Variants in SUGCT observed in about 807,000 individuals in gnomAD.
SUGCT encodes the protein succinyl-CoA:glutarate CoA-transferase.
Under a neutral mutation model 55.0 loss-of-function variants are expected in SUGCT, and 41 were observed. That is an observed-to-expected ratio of 0.74 (90% CI 0.58 to 0.97). SUGCT has a LOEUF of 0.97. SUGCT is among the 50% of genes least tolerant of loss of function. The probability of loss-of-function intolerance (pLI) is 0.00; values close to 1 mark genes in which losing one functional copy is unlikely to be tolerated. For synonymous variants in SUGCT, 187 were observed against 200.4 expected (o/e 0.93, Z 0.56); for missense variants, 568 against 547.8 (o/e 1.04, Z -0.37).
At chr7:40,712,311 C>T (rs78714799) in intron 12 of SUGCT, among the ~76,000 whole-genome samples, 2,314 of 152,298 alleles carry the variant, frequency 0.015, 19 homozygotes, top group Admixed American at 0.026. Flanking sequence ...CTCCTCTTAA[C>T]CACAAGTAAT....
At chr7:40,169,993 GTC>G (rs59541244) in intron 1 of SUGCT, among the ~76,000 whole-genome samples, 2,751 of 152,266 alleles carry the variant, frequency 0.018, 76 homozygotes, top group African/African-American at 0.063. Flanking sequence ...CAGAAAGGCA[GTC>G]TCTCTTCTTT....
the SUGCT span, among the ~76,000 whole-genome samples, chr7:40,895,864 A>T: frequency 6.6e-6 from 1 of 152,166 alleles, no homozygotes. Flanking sequence ...CATAATAAAA[A>T]CCACATATGA....
At chr7:40,720,555 C>T (rs1396674930) in intron 12 of SUGCT, among the ~76,000 whole-genome samples, 7 of 152,138 alleles carry the variant, frequency 4.6e-5, no homozygotes, top group Admixed American at 4.6e-4. Context: ...TGGGGCCCTT[C>T]AGTGGACATG....
chr7:40,878,337 G>A, the SUGCT span, among the ~76,000 whole-genome samples: 2 of 152,150 alleles, frequency 1.3e-5, no homozygotes, highest in Admixed American at 6.6e-5. Flanking sequence ...CTATTGAGCT[G>A]CAGACCTTCC....
rs150109464 is a variant in SUGCT, at chr7:40,139,463, G to T, written c.100+4343G>T. Reference sequence around the variant, plus strand: ...TCCACTCACCTCAGCCTTCCAAAGTGCTGGGATTACAGGCGTGAGCCACTG... The same window carrying T: ...TCCACTCACCTCAGCCTTCCAAAGTTCTGGGATTACAGGCGTGAGCCACTG... On this transcript the variant is annotated intron_variant, in intron 1 of 13. Transcript: ENST00000335693. Among the ~76,000 whole-genome samples the T allele has an allele frequency of 4.4e-3, 665 of 152,306 alleles. 5 individuals are homozygous for T. Among genetic ancestry groups the T allele is most frequent in the African/African-American group, 0.015 (615 of 41,562 alleles).
intron 12 of SUGCT, among the ~76,000 whole-genome samples, chr7:40,543,352 AC>A (rs1189876121): frequency 1.3e-5 from 2 of 152,250 alleles, no homozygotes; most frequent in African/African-American, 4.8e-5. Context: ...AAAAATGATA[AC>A]AAGTACAAAA....
At chr7:40,249,374 A>G (rs907474228) in intron 7 of SUGCT, among the ~76,000 whole-genome samples, 2 of 137,628 alleles carry the variant, frequency 1.5e-5, no homozygotes, top group Non-Finnish European at 3.1e-5. Flanking sequence ...TATATTATAT[A>G]CAAATATTAC....
chr7:40,189,081 T>C (rs1785719387), intron 4 of SUGCT, among the ~76,000 whole-genome samples: 2 of 152,198 alleles, frequency 1.3e-5, no homozygotes, highest in Non-Finnish European at 2.9e-5. Flanking sequence ...CGGTGGCTCA[T>C]GCCTTTAATC....
At chr7:40,414,738 C>A (rs970685152) in intron 9 of SUGCT, among the ~76,000 whole-genome samples, 2 of 151,812 alleles carry the variant, frequency 1.3e-5, no homozygotes, top group Middle Eastern at 3.2e-3. Context: ...GAAACCTCAT[C>A]TCTACCAAAA....
At chr7:40,435,602 A>G (rs1657755400) in intron 9 of SUGCT, among the ~76,000 whole-genome samples, 1 of 152,130 alleles carries the variant, frequency 6.6e-6, no homozygotes, top group Non-Finnish European at 1.5e-5. Flanking sequence ...CTTATCTGAT[A>G]TTCAGCCACC....
intron 12 of SUGCT, among the ~76,000 whole-genome samples, chr7:40,744,000 C>T (rs975011011): frequency 6.6e-6 from 1 of 152,112 alleles, no homozygotes; most frequent in Non-Finnish European, 1.5e-5. Flanking sequence ...TGACTCACTG[C>T]AACCTCCGTC....
At chr7:40,532,851 C>T (rs2151598637) in intron 12 of SUGCT, among the ~76,000 whole-genome samples, 1 of 152,140 alleles carries the variant, frequency 6.6e-6, no homozygotes, top group Admixed American at 6.5e-5. Context: ...ATTATGAATA[C>T]AATATTTTAA....
At chr7:40,816,498 A>G (rs1791677741) in intron 13 of SUGCT, among the ~76,000 whole-genome samples, 1 of 152,128 alleles carries the variant, frequency 6.6e-6, no homozygotes, top group Non-Finnish European at 1.5e-5. Context: ...TGCCTCTCTC[A>G]TGTACTGGGG....
At chr7:40,330,367 G>C (rs754360393) in intron 9 of SUGCT, among the ~76,000 whole-genome samples, 1 of 152,126 alleles carries the variant, frequency 6.6e-6, no homozygotes, top group Non-Finnish European at 1.5e-5. Flanking sequence ...TGAGGGAGAA[G>C]ATATACATTT....
intron 1 of SUGCT, among the ~76,000 whole-genome samples, chr7:40,142,514 A>G (rs1372306590): frequency 6.6e-6 from 1 of 152,206 alleles, no homozygotes. Context: ...GCACCAACCC[A>G]TGGATGCATG....
At chr7:40,716,154 T>C (rs1043562847) in intron 12 of SUGCT, among the ~76,000 whole-genome samples, 1 of 152,152 alleles carries the variant, frequency 6.6e-6, no homozygotes, top group Non-Finnish European at 1.5e-5. Flanking sequence ...ACATATTGCT[T>C]GACCCTGGTG....
chr7:40,913,625 A>G, the SUGCT span, among the ~76,000 whole-genome samples: 1 of 152,312 alleles, frequency 6.6e-6, no homozygotes, highest in Non-Finnish European at 1.5e-5. Flanking sequence ...CAACACAAGC[A>G]TTTGTTCTCC....
chr7:40,308,799 C>T (rs551069035), intron 8 of SUGCT, among the ~76,000 whole-genome samples: 1 of 152,294 alleles, frequency 6.6e-6, no homozygotes, highest in South Asian at 2.1e-4. Flanking sequence ...CACTTGAGGT[C>T]AGGAGTTCGA....
In SUGCT at chr7:40,237,716, C is replaced by T. The variant is rs1275983440; in HGVS notation, c.566C>T (p.Thr189Ile). The T allele has an allele frequency of 6.2e-7, 1 of 1,613,374 alleles. No individual in the cohort carries two copies. The highest frequency in any genetic ancestry group is 1.3e-5 in the African/African-American group (1 of 74,900). The change falls in exon 7 of 14, where the codon ACA (threonine) becomes ATA (isoleucine). Residue 189 changes from threonine (T) to isoleucine (I), a missense_variant. Thr to Ile is a moderately conservative substitution (Grantham distance 89). Transcript: ENST00000335693. ...GCTGTTTCTGGTCTGATGCACATCA[C>T]AGGGCCTGAGGTAGGTATCCTTCCT... ...ASAVSGLMHI[T>I]GPENGDPVRP...
Sources: allele counts gnomAD v4.1 joint callset (sites outside exome capture counted in the v4.1 genomes callset), GRCh38; gene constraint gnomAD v4.1.1; transcripts MANE v1.5; gene names NCBI Gene and HGNC (gene_info 2026-07-23, HGNC 2026-07-21).